The following TSHZ3 variants were observed in gnomAD, a reference collection of about 807,000 sequenced individuals.
The protein encoded by TSHZ3 is teashirt zinc finger homeobox 3, also known as teashirt homolog 3.
In TSHZ3, 10 loss-of-function variants were observed where a neutral mutation model predicts 64.5. That is an observed-to-expected ratio of 0.16 (90% confidence interval 0.10 to 0.26). The LOEUF is 0.26. Among genes scored for constraint, TSHZ3 ranks in the 10% least tolerant of loss-of-function variants. The pLI, the probability that TSHZ3 is intolerant of heterozygous loss-of-function variation, is 1.00. For missense variants in TSHZ3, 1,242 were observed against 1,421.7 expected (o/e 0.87, Z 2.03); for synonymous variants, 608 against 593.1 (o/e 1.03, Z -0.36).
chr19:31,306,825 CTAAT>C (rs1916313292), intron 1 of TSHZ3, among the ~76,000 whole-genome samples: 4 of 152,240 alleles, frequency 2.6e-5, no homozygotes, highest in Admixed American at 2.0e-4. Context: ...GAGAAACATA[CTAAT>C]TAGTTAGCTA....
chr19:31,276,985 G>C lies in TSHZ3; in HGVS notation c.2808C>G (p.Ser936=). 1 of 1,613,514 alleles carries C rather than the reference G, an allele frequency of 6.2e-7. No individual in the cohort carries two copies. Among genetic ancestry groups the C allele is most frequent in the Non-Finnish European group, 8.5e-7 (1 of 1,179,502 alleles). Residue 936 remains serine, a synonymous_variant, in exon 2 of 2, where the codon TCC becomes TCG. Transcript: ENST00000240587. ...DLSPQERMHI[S]RFTGLSMTTI... ...TGGTCATGGACAGCCCGGTGAACCT[G>C]GAGATATGCATCCGCTCCTGGGGGC...
chr19:31,223,547 A>G (rs1975418781), intron 4 of TSHZ3, among the ~76,000 whole-genome samples: 1 of 152,318 alleles, frequency 6.6e-6, no homozygotes, highest in Admixed American at 6.5e-5. Flanking sequence ...CAAGCCAAGT[A>G]GAAGCCTTTC....
At chr19:31,260,944 G>A (rs1975976725) in intron 1 of TSHZ3, among the ~76,000 whole-genome samples, 1 of 152,194 alleles carries the variant, frequency 6.6e-6, no homozygotes. Flanking sequence ...TGTGTGCCAA[G>A]CACTGTGCCG....
intron 1 of TSHZ3, among the ~76,000 whole-genome samples, chr19:31,323,488 C>A (rs994041796): frequency 1.3e-4 from 20 of 152,210 alleles, no homozygotes; most frequent in Non-Finnish European, 2.8e-4. Flanking sequence ...ATAATTCTAT[C>A]AATGCATATT....
At position 31,277,183 on chromosome 19, in the gene TSHZ3, C is replaced by T. The variant is rs1976254178; in HGVS notation, c.2610G>A (p.Glu870=). The part of the protein sequence containing the change: ...SKSSTPSSIS[E]KSDIDGATLE... ...GAGTGGCCCCGTCAATGTCAGACTT[C>T]TCGGAGATGCTGGAAGGAGTGGAGG... The change falls in exon 2 of 2, where the codon GAG becomes GAA. Residue 870 remains glutamate, a synonymous_variant. Coordinates refer to ENST00000240587, the MANE Select transcript of TSHZ3 (RefSeq NM_020856.4). This position sits in a 1 kb window ranked among gnomAD's most constrained non-coding sequence, Gnocchi z 4.5. The T allele has an allele frequency of 1.2e-6, 2 of 1,614,038 alleles. No homozygotes were observed. Among genetic ancestry groups the T allele is most frequent in the African/African-American group, 2.7e-5 (2 of 74,922 alleles).
At chr19:31,285,732 T>G (rs947990311) in intron 1 of TSHZ3, among the ~76,000 whole-genome samples, 2 of 128,984 alleles carry the variant, frequency 1.6e-5, no homozygotes, top group African/African-American at 6.0e-5. Context: ...TGCAGTGAGC[T>G]GTGATCGTCA....
At chr19:31,300,334 G>A (rs965644247) in intron 1 of TSHZ3, among the ~76,000 whole-genome samples, 1 of 152,186 alleles carries the variant, frequency 6.6e-6, no homozygotes, top group Non-Finnish European at 1.5e-5. Context: ...AAAGGTGAAG[G>A]TTTATTATAT....
rs189124262 is a variant in TSHZ3, at chr19:31,150,598, C to T, written n.2018G>A. 6.0e-4 allele frequency among the ~76,000 whole-genome samples: 91 copies of T among 152,320 alleles called. 2 individuals carry two copies. The East Asian group carries it at 7.4e-3, about 12-fold the overall frequency. On this transcript the variant is annotated non_coding_transcript_exon_variant, in exon 7 of 7. Coordinates refer to the TSHZ3 transcript ENST00000651361. ...TGCAAGGGAGATGGCTGCCCCACTACGGGCAGGATGGCCCACAGCGCACGG... is the reference window on the plus strand; with the variant it reads ...TGCAAGGGAGATGGCTGCCCCACTATGGGCAGGATGGCCCACAGCGCACGG...
exon 3 of TSHZ3, among the ~76,000 whole-genome samples, chr19:31,242,323 A>C (rs1455597504): frequency 6.6e-6 from 1 of 152,220 alleles, no homozygotes; most frequent in African/African-American, 2.4e-5. Context: ...CTGGAGACCC[A>C]GGGATGCCTG....
At chr19:31,333,142 A>AATC (rs1917142924) in intron 1 of TSHZ3, among the ~76,000 whole-genome samples, 2 of 150,066 alleles carry the variant, frequency 1.3e-5, no homozygotes, top group African/African-American at 5.0e-5. Flanking sequence ...ATAAATAAAT[A>AATC]AATAAATAAA....
intron 1 of TSHZ3, among the ~76,000 whole-genome samples, chr19:31,303,189 T>C (rs1286279051): frequency 6.6e-6 from 1 of 152,116 alleles, no homozygotes; most frequent in Non-Finnish European, 1.5e-5. Flanking sequence ...CAACATCAGA[T>C]TCCTAACAGC....
At position 31,279,315 on chromosome 19, in the gene TSHZ3, A is replaced by AGCTGCTGCTGCTGCTACT. The variant is rs1555733046; in HGVS notation, c.460_477dup (p.Ser154_Ser159dup). ...TGCCAGTCGAAGCTCCCGCTGCCAC[A>AGCTGCTGCTGCTGCTACT]GCTGCTGCTGCTGCTACTGCTGCTG... On this transcript the variant is annotated inframe_insertion, in exon 2 of 2. Coordinates refer to ENST00000240587, the MANE Select transcript of TSHZ3 (RefSeq NM_020856.4). The surrounding 1 kb of genome is among the most constrained non-coding windows in gnomAD (Gnocchi z 6.4). 3 of 1,613,676 alleles carry AGCTGCTGCTGCTGCTACT rather than the reference A, an allele frequency of 1.9e-6. No homozygotes were observed. The highest frequency in any genetic ancestry group is 1.7e-6 in the Non-Finnish European group (2 of 1,179,758).
At chr19:31,291,526 T>C (rs1213715846) in intron 1 of TSHZ3, among the ~76,000 whole-genome samples, 1 of 152,182 alleles carries the variant, frequency 6.6e-6, no homozygotes, top group Non-Finnish European at 1.5e-5. Context: ...TTCCAATGCC[T>C]TCTGGGGAGC....
At position 31,276,563 on chromosome 19, in the gene TSHZ3, T is replaced by G; in HGVS notation, c.3230A>C (p.Glu1077Ala). 6.4e-7 allele frequency: 1 copy of G among 1,561,866 alleles called. No homozygotes were observed. The highest frequency in any genetic ancestry group is 8.7e-7 in the Non-Finnish European group (1 of 1,150,512). ...SPEDHLLYVSELEKQ is the reference protein window; with the variant it reads ...SPEDHLLYVSALEKQ Reference sequence around the variant, plus strand: ...AAGCAAATGCTACTGCTTCTCTAACTCAGAGACATACAGAAGGTGGTCTTC... The same window carrying G: ...AAGCAAATGCTACTGCTTCTCTAACGCAGAGACATACAGAAGGTGGTCTTC... Residue 1077 changes from glutamate to alanine, a missense_variant, in exon 2 of 2, where the codon GAG becomes GCG. Physicochemically the swap from Glu to Ala is moderately radical, Grantham distance 107 (BLOSUM62 -1). Around this residue, in one of 4 missense-constraint regions of TSHZ3, gnomAD observed 126 missense variants for 140.6 expected, o/e 0.90. Coordinates refer to ENST00000240587, the MANE Select transcript of TSHZ3 (RefSeq NM_020856.4).
chr19:31,152,518 A>C (rs1183267887), intron 6 of TSHZ3, among the ~76,000 whole-genome samples: 1 of 152,140 alleles, frequency 6.6e-6, no homozygotes, highest in Non-Finnish European at 1.5e-5. Context: ...CAGCCTTTTC[A>C]TGGCTTTGAG....
At chr19:31,258,804 T>C (rs1335969290) in intron 1 of TSHZ3, among the ~76,000 whole-genome samples, 1 of 152,172 alleles carries the variant, frequency 6.6e-6, no homozygotes, top group East Asian at 1.9e-4. Context: ...AGCATAAGTG[T>C]CTTCCCTTGG....
rs1432683639 is a variant in TSHZ3 at position 31,275,573 on chromosome 19, C to A, written c.*974G>T. ...TAGTTCTGATGCCTGCCAGGGATGT[C>A]TTTCCCGGTCTCGTTTATTCAGACT... On this transcript the variant is annotated 3_prime_UTR_variant, in exon 2 of 2. Transcript: ENST00000240587. 6.6e-6 allele frequency: 1 copy of A among 152,366 alleles called. No individual in the cohort carries two copies. Among genetic ancestry groups the A allele is most frequent in the Admixed American group, 6.6e-5 (1 of 15,248 alleles). The allele number at this position is 152,366 out of a possible 1,614,324, so 9.4% of individuals were successfully genotyped here.
At chr19:31,289,680 C>T (rs765136396) in intron 1 of TSHZ3, among the ~76,000 whole-genome samples, 8 of 152,110 alleles carry the variant, frequency 5.3e-5, no homozygotes, top group East Asian at 1.9e-4. Flanking sequence ...CCCTGCAGCA[C>T]GGTTCTGGCT....
intron 5 of TSHZ3, among the ~76,000 whole-genome samples, chr19:31,175,601 G>C (rs531597935): frequency 7.2e-5 from 11 of 152,340 alleles, no homozygotes; most frequent in African/African-American, 2.4e-4. Flanking sequence ...GAAGGACAAG[G>C]TTCCTCCTTG....
Sources: gnomAD v4.1 joint callset for allele counts (sites outside exome capture counted in the v4.1 genomes callset) on GRCh38, gnomAD v4.1.1 for gene constraint, gnomAD v4.1.1 regional missense constraint, Gnocchi (gnomAD v3.1) non-coding constraint, MANE v1.5 for transcripts, NCBI Gene and HGNC (gene_info 2026-07-23, HGNC 2026-07-21) for gene names.